The following PPP3CA variants were observed in gnomAD, a reference collection of about 807,000 sequenced individuals.
PPP3CA encodes the protein CAM-PRP catalytic subunit.
PPP3CA carries 14 observed loss-of-function variants against 66.5 expected under a neutral mutation model. The ratio of observed to expected loss-of-function variants is 0.21; its 90% CI spans 0.14 to 0.33. The LOEUF (loss-of-function observed/expected upper bound fraction) is 0.33, where lower values mean the gene tolerates loss of function less well. PPP3CA is among the 10% of genes least tolerant of loss of function. PPP3CA has a pLI of 1.00. For missense variants in PPP3CA, 317 were observed against 639.5 expected, an observed-to-expected ratio of 0.50 and a Z score of 5.44; for synonymous variants, 232 against 226.2, an observed-to-expected ratio of 1.03 and a Z score of -0.23.
chr4:101,099,749 A>G (rs192146636), intron 3 of PPP3CA, 27 bp from the exon 4 acceptor site: 7 of 1,252,984 alleles, frequency 5.6e-6, no homozygotes, highest in Admixed American at 2.5e-5. Flanking sequence ...TAATATAAAA[A>G]TAAATATTTT....
At chr4:101,203,631 A>G (rs1473583239) in intron 1 of PPP3CA, among the ~76,000 whole-genome samples, 2 of 152,118 alleles carry the variant, frequency 1.3e-5, no homozygotes, top group African/African-American at 2.4e-5. Flanking sequence ...GTTTATGTAT[A>G]TATATTTAAA....
At chr4:101,330,371 C>T (rs376829388) in intron 1 of PPP3CA, 43 of 511,554 alleles carry the variant, frequency 8.4e-5, no homozygotes, top group South Asian at 1.4e-4. Flanking sequence ...AAAAAATCTA[C>T]TTTCTTTGCT....
chr4:101,130,780 C>T (rs1722403472), intron 2 of PPP3CA, among the ~76,000 whole-genome samples: 1 of 152,110 alleles, frequency 6.6e-6, no homozygotes, highest in Non-Finnish European at 1.5e-5. Context: ...CCAACCATTG[C>T]AAAAACAAAC....
chr4:101,215,775 T>C (rs1725433882), intron 1 of PPP3CA, among the ~76,000 whole-genome samples: 2 of 152,106 alleles, frequency 1.3e-5, no homozygotes, highest in South Asian at 4.1e-4. Context: ...AGAACAAATA[T>C]ATTGCTGATA....
rs928379219 is a variant in PPP3CA at position 101,025,178 on chromosome 4, G to A, written c.*687C>T. On this transcript the variant is annotated 3_prime_UTR_variant, in exon 14 of 14. Transcript: ENST00000394854. ...CATTGCCGAATTAAGAAGAAGATAA[G>A]TGTTATATGGAAAGAAGGGCATTCA... The A allele has an allele frequency of 3.9e-5, 6 of 152,302 alleles. No homozygotes were observed. Among genetic ancestry groups the A allele is most frequent in the African/African-American group, 1.5e-4 (6 of 41,370 alleles). The allele number at this position is 152,302 out of a possible 1,614,324, so 9.4% of individuals were successfully genotyped here.
At chr4:101,336,322 G>A (rs559241336) in intron 1 of PPP3CA, among the ~76,000 whole-genome samples, 3 of 152,170 alleles carry the variant, frequency 2.0e-5, no homozygotes, top group Non-Finnish European at 2.9e-5. Context: ...TGTAATCCCA[G>A]CACTTTGGGA....
At chr4:101,128,119 T>C (rs543786541) in intron 2 of PPP3CA, among the ~76,000 whole-genome samples, 9 of 152,302 alleles carry the variant, frequency 5.9e-5, no homozygotes, top group African/African-American at 1.7e-4. Context: ...CAGTCTTCCC[T>C]ATCCTAATAA....
chr4:101,176,199 C>A (rs949111599), intron 2 of PPP3CA, among the ~76,000 whole-genome samples: 1 of 152,110 alleles, frequency 6.6e-6, no homozygotes, highest in Non-Finnish European at 1.5e-5. Context: ...AGGAAAAGGT[C>A]AGTTATTATG....
At chr4:101,316,179 T>C (rs1359338876) in intron 1 of PPP3CA, among the ~76,000 whole-genome samples, 1 of 151,702 alleles carries the variant, frequency 6.6e-6, no homozygotes, top group East Asian at 1.9e-4. Flanking sequence ...TGTGTTGAGC[T>C]AAAAATCAGA....
chr4:101,150,449 T>C (rs1272643589), intron 2 of PPP3CA, among the ~76,000 whole-genome samples: 1 of 152,208 alleles, frequency 6.6e-6, no homozygotes, highest in Non-Finnish European at 1.5e-5. Flanking sequence ...AAGTTTCACG[T>C]TTCTCATTCA....
intron 2 of PPP3CA, among the ~76,000 whole-genome samples, chr4:101,110,971 T>G (rs926563949): frequency 1.3e-5 from 2 of 152,200 alleles, no homozygotes; most frequent in Non-Finnish European, 2.9e-5. Flanking sequence ...AGCATAATAA[T>G]TTTAAAAATA....
At chr4:101,137,340 G>A (rs1194086479) in intron 2 of PPP3CA, among the ~76,000 whole-genome samples, 1 of 152,038 alleles carries the variant, frequency 6.6e-6, no homozygotes, top group East Asian at 1.9e-4. Context: ...GAATCTGACT[G>A]AGTCATGCCC....
chr4:101,087,839 T>C (rs1401492343), intron 6 of PPP3CA, among the ~76,000 whole-genome samples: 2 of 152,138 alleles, frequency 1.3e-5, no homozygotes, highest in Non-Finnish European at 2.9e-5. Flanking sequence ...AATATGAATG[T>C]TCAGTTTTAA....
chr4:101,347,133 C>A lies in PPP3CA; in HGVS notation c.-337G>T. 2.2e-6 allele frequency: 1 copy of A among 456,926 alleles called. No individual in the cohort carries two copies. The highest frequency in any genetic ancestry group is 2.1e-5 in the South Asian group (1 of 47,540). 28.3% of individuals were successfully genotyped at this position (456,926 alleles called of 1,614,324 possible). A position where few individuals can be genotyped will look rare whatever the true frequency, so the allele number is the denominator to read the frequency against. On this transcript the variant is annotated 5_prime_UTR_variant, in exon 1 of 14. Transcript: ENST00000394854. ...GGGGAAGGGGGATGGGGAGGAGAAG[C>A]GCACACACGAGCACCCACCCCGGCA...
At chr4:101,315,900 C>T (rs1225411998) in intron 1 of PPP3CA, among the ~76,000 whole-genome samples, 4 of 152,106 alleles carry the variant, frequency 2.6e-5, no homozygotes, top group Admixed American at 6.6e-5. Context: ...ACCATGGTTT[C>T]GGACTGCTGA....
At chr4:101,127,186 C>T (rs1722271040) in intron 2 of PPP3CA, among the ~76,000 whole-genome samples, 1 of 151,890 alleles carries the variant, frequency 6.6e-6, no homozygotes, top group South Asian at 2.1e-4. Context: ...CCACCTCACC[C>T]CCAACTCCAT....
intron 1 of PPP3CA, among the ~76,000 whole-genome samples, chr4:101,236,707 T>C (rs1256896162): frequency 1.3e-5 from 2 of 151,914 alleles, no homozygotes; most frequent in South Asian, 4.1e-4. Flanking sequence ...TAATCCTTGA[T>C]TTTTCCACTA....
At chr4:101,300,613 G>A (rs892815096) in intron 1 of PPP3CA, among the ~76,000 whole-genome samples, 122 of 152,162 alleles carry the variant, frequency 8.0e-4, no homozygotes, top group African/African-American at 2.9e-3. Flanking sequence ...TGGCCAACAC[G>A]GTGAAACCCT....
At chr4:101,271,888 G>A (rs1226584427) in intron 1 of PPP3CA, among the ~76,000 whole-genome samples, 2 of 152,138 alleles carry the variant, frequency 1.3e-5, no homozygotes, top group Non-Finnish European at 2.9e-5. Flanking sequence ...GTGAATAAAT[G>A]TCTATGTTGC....
Sources: gnomAD v4.1 joint callset for allele counts (sites outside exome capture counted in the v4.1 genomes callset) on GRCh38, gnomAD v4.1.1 for gene constraint, MANE v1.5 for transcripts, NCBI Gene and HGNC (gene_info 2026-07-23, HGNC 2026-07-21) for gene names.